Variants in PITPNC1 observed in about 807,000 individuals in gnomAD.
The protein encoded by PITPNC1 is phosphatidylinositol transfer protein cytoplasmic 1, also known as cytoplasmic phosphatidylinositol transfer protein 1.
A neutral mutation model predicts 44.7 loss-of-function variants in PITPNC1; 18 were observed. The ratio of observed to expected loss-of-function variants is 0.40; its 90% CI spans 0.28 to 0.60. The LOEUF is 0.60. Among genes scored for constraint, PITPNC1 ranks in the 20% least tolerant of loss-of-function variants. The pLI is 0.39. For synonymous variants in PITPNC1, 141 were observed against 149.6 expected (o/e 0.94, Z 0.42); for missense variants, 290 against 418.4 (o/e 0.69, Z 2.68).
intron 1 of PITPNC1, among the ~76,000 whole-genome samples, chr17:67,395,170 C>CTT (rs902427835): frequency 0.033 from 4,617 of 140,972 alleles, 239 homozygotes; most frequent in African/African-American, 0.11. Context: ...CAGGTTTTTT[C>CTT]TTTTTTTTTT....
intron 1 of PITPNC1, among the ~76,000 whole-genome samples, chr17:67,403,218 CA>C (rs34768084): frequency 5.9e-4 from 41 of 68,960 alleles, no homozygotes; most frequent in South Asian, 3.6e-3. Flanking sequence ...CTCATCTCTA[CA>C]AAAAAAAAAA....
intron 1 of PITPNC1, among the ~76,000 whole-genome samples, chr17:67,391,630 A>G (rs1034509888): frequency 2.0e-5 from 3 of 151,806 alleles, no homozygotes; most frequent in Non-Finnish European, 4.4e-5. Context: ...GCAGGTACCC[A>G]CCGCCACGCC....
intron 1 of PITPNC1, among the ~76,000 whole-genome samples, chr17:67,399,075 T>C (rs1039462362): frequency 8.7e-5 from 12 of 137,996 alleles, no homozygotes; most frequent in Non-Finnish European, 1.7e-4. Flanking sequence ...AGTGCAGTGG[T>C]GCGATCTCGG....
chr17:67,406,221 C>T (rs1464940264), intron 1 of PITPNC1, among the ~76,000 whole-genome samples: 1 of 152,140 alleles, frequency 6.6e-6, no homozygotes, highest in Non-Finnish European at 1.5e-5. Context: ...TCACGCACTA[C>T]AGCCTTGAAC....
chr17:67,520,142 A>T (rs1305736274), intron 1 of PITPNC1, among the ~76,000 whole-genome samples: 1 of 152,092 alleles, frequency 6.6e-6, no homozygotes, highest in Middle Eastern at 3.2e-3. Context: ...TTCATTAAGG[A>T]TTTCATGAAG....
intron 2 of PITPNC1, among the ~76,000 whole-genome samples, chr17:67,539,440 C>A (rs1324866025): frequency 6.6e-6 from 1 of 152,184 alleles, no homozygotes; most frequent in East Asian, 1.9e-4. Flanking sequence ...TACATTATGG[C>A]ACATTCACGT....
chr17:67,597,212 C>T lies in PITPNC1; in HGVS notation c.366+18955C>T, dbSNP rs2041471042. Among the ~76,000 whole-genome samples, 1 of 151,928 alleles carries T rather than the reference C, an allele frequency of 6.6e-6. No individual in the cohort carries two copies. Among genetic ancestry groups the T allele is most frequent in the South Asian group, 2.1e-4 (1 of 4,804 alleles). On this transcript the variant is annotated intron_variant, in intron 5 of 8. Coordinates refer to ENST00000581322, the MANE Select transcript of PITPNC1 (RefSeq NM_012417.4). The surrounding 1 kb of genome is among the most constrained non-coding windows in gnomAD (Gnocchi z 4.0). ...CCTGGCCCCAAATAATTTATATAAG[C>T]CATTTATCATAGTTCCTGACATATC...
intron 1 of PITPNC1, among the ~76,000 whole-genome samples, chr17:67,462,026 T>C (rs1405635657): frequency 6.6e-6 from 1 of 152,076 alleles, no homozygotes; most frequent in Non-Finnish European, 1.5e-5. Flanking sequence ...TCCAGGTCTC[T>C]CTGGGTAATG....
At chr17:67,441,195 C>T (rs2039007581) in intron 1 of PITPNC1, among the ~76,000 whole-genome samples, 1 of 152,102 alleles carries the variant, frequency 6.6e-6, no homozygotes, top group Non-Finnish European at 1.5e-5. Flanking sequence ...AGCAAATTGT[C>T]ATCTTCTGTA....
chr17:67,495,040 G>GTTTTTTTTTTTTTTTTT lies in PITPNC1; in HGVS notation c.49-37751_49-37750insTTTTTTTTTTTTTTTTT, dbSNP rs879366971. The stretch of plus-strand genomic sequence containing the variant: ...TTTGGCAATATTGAGCCATGGAGTT[G>GTTTTTTTTTTTTTTTTT]TTTTTTTTTTTGTTTTTTTTTTTTT... On this transcript the variant is annotated intron_variant, in intron 1 of 8. Coordinates refer to ENST00000581322, the MANE Select transcript of PITPNC1 (RefSeq NM_012417.4). 1.7e-3 allele frequency among the ~76,000 whole-genome samples: 107 copies of GTTTTTTTTTTTTTTTTT among 64,716 alleles called. 26 individuals are homozygous for GTTTTTTTTTTTTTTTTT. The highest frequency in any genetic ancestry group is 0.027 in the Middle Eastern group (2 of 74). The allele number at this position is 64,716 out of a possible 152,430, so 42.5% of individuals were successfully genotyped here. A position where few individuals can be genotyped will look rare whatever the true frequency, so the allele number is the denominator to read the frequency against.
intron 1 of PITPNC1, among the ~76,000 whole-genome samples, chr17:67,431,056 C>T (rs1037073244): frequency 9.3e-6 from 1 of 107,412 alleles, no homozygotes; most frequent in South Asian, 3.1e-4. Flanking sequence ...TTTTTAGTTA[C>T]TGTTTCTTTT....
chr17:67,377,467 C>G lies in PITPNC1; in HGVS notation c.-688C>G, dbSNP rs964372863. The G allele has an allele frequency of 6.5e-6, 1 of 153,060 alleles. No homozygotes were observed. The highest frequency in any genetic ancestry group is 1.5e-5 in the Non-Finnish European group (1 of 68,136). The allele number at this position is 153,060 out of a possible 1,614,324, so 9.5% of individuals were successfully genotyped here. The stretch of plus-strand genomic sequence containing the variant: ...GGCAGCCGCGAGCCGAGGTTGGAGG[C>G]GCCCGGGGCCCCAGCCGGGCAGAGC... On this transcript the variant is annotated 5_prime_UTR_variant, in exon 1 of 9. Coordinates refer to ENST00000581322, the MANE Select transcript of PITPNC1 (RefSeq NM_012417.4).
In PITPNC1 at chr17:67,684,080, C is replaced by T. The variant is rs1016636089; in HGVS notation, c.683-8492C>T. ...CTTCTCCTTACCAATTCCAAATTGA[C>T]GGTATCCATCTCATAATGATCCAAA... On this transcript the variant is annotated intron_variant, in intron 8 of 8. Transcript: ENST00000581322. Among the ~76,000 whole-genome samples the T allele has an allele frequency of 4.0e-5, 6 of 148,782 alleles. No homozygotes were observed. The East Asian group carries it at 7.9e-4, about 19-fold the overall frequency.
At chr17:67,608,666 GT>G (rs373586575) in intron 5 of PITPNC1, among the ~76,000 whole-genome samples, 7,011 of 128,014 alleles carry the variant, frequency 0.055, 278 homozygotes, top group East Asian at 0.15. Context: ...AGTTTTTCTA[GT>G]TTTTTTTTTT....
chr17:67,637,671 C>T (rs1049456857), intron 6 of PITPNC1: 1 of 152,212 alleles, frequency 6.6e-6, no homozygotes, highest in Non-Finnish European at 1.5e-5. Context: ...CGTGCCATCG[C>T]CACTAACCGG....
chr17:67,451,760 T>C (rs2039180335), intron 1 of PITPNC1, among the ~76,000 whole-genome samples: 1 of 151,854 alleles, frequency 6.6e-6, no homozygotes, highest in Non-Finnish European at 1.5e-5. Flanking sequence ...TGCCTCAGCC[T>C]CCAGGGTAGC....
chr17:67,424,772 T>C lies in PITPNC1; in HGVS notation c.48+46570T>C, dbSNP rs1598643840. 2.6e-5 allele frequency among the ~76,000 whole-genome samples: 4 copies of C among 151,316 alleles called. No homozygotes were observed. In the South Asian group the frequency reaches 6.5e-4, roughly 24 times the overall value. On this transcript the variant is annotated intron_variant, in intron 1 of 8. Transcript: ENST00000581322. ...GAGTACAGTGGCGTGATCGGCTCGC[T>C]GCAACCTCCGCCTCCTAGGTTCAGG...
At chr17:67,496,623 G>C (rs2144058511) in intron 1 of PITPNC1, among the ~76,000 whole-genome samples, 1 of 152,168 alleles carries the variant, frequency 6.6e-6, no homozygotes, top group Middle Eastern at 3.4e-3. Context: ...GAGAGCAGGA[G>C]GTATGATTAA....
chr17:67,382,349 GTGT>G (rs1273051441), intron 1 of PITPNC1, among the ~76,000 whole-genome samples: 1 of 151,640 alleles, frequency 6.6e-6, no homozygotes. Flanking sequence ...GTGTGTGTGT[GTGT>G]GTGTGTGTGT....
Sources: gnomAD v4.1 joint callset for allele counts (sites outside exome capture counted in the v4.1 genomes callset) on GRCh38, gnomAD v4.1.1 for gene constraint, Gnocchi (gnomAD v3.1) non-coding constraint, MANE v1.5 for transcripts, NCBI Gene and HGNC (gene_info 2026-07-23, HGNC 2026-07-21) for gene names.